The following SUCLG2 variants were observed in gnomAD, a reference collection of about 807,000 sequenced individuals.
SUCLG2 encodes the protein succinate-CoA ligase GDP-forming subunit beta, also known as succinate--CoA ligase [GDP-forming] subunit beta, mitochondrial.
A neutral mutation model predicts 47.9 loss-of-function variants in SUCLG2; 42 were observed. The observed-to-expected ratio is 0.88, with a 90% CI of 0.69 to 1.14. The LOEUF is 1.14. Ranked by LOEUF, SUCLG2 falls within the 50% of genes most tolerant of loss-of-function variation. The pLI, the probability that SUCLG2 is intolerant of heterozygous loss-of-function variation, is 0.00. For missense variants in SUCLG2, 571 were observed against 525.9 expected (o/e 1.09, Z -0.84); for synonymous variants, 195 against 197.3 (o/e 0.99, Z 0.10).
intron 9 of SUCLG2, among the ~76,000 whole-genome samples, chr3:67,436,800 C>T (rs1703634994): frequency 6.6e-6 from 1 of 152,102 alleles, no homozygotes; most frequent in Non-Finnish European, 1.5e-5. Context: ...ACAAATTATA[C>T]ATTTTTGTAG....
intron 6 of SUCLG2, among the ~76,000 whole-genome samples, chr3:67,517,326 G>T (rs952241582): frequency 2.1e-4 from 32 of 152,168 alleles, no homozygotes; most frequent in Non-Finnish European, 2.1e-4. Flanking sequence ...AGAAAGAAAA[G>T]AGTGCATCAT....
rs540885206 is a variant in SUCLG2, at chr3:67,395,060, G to A, written c.1183+5671C>T. On this transcript the variant is annotated intron_variant, in intron 10 of 10. Transcript: ENST00000307227. ...AAAGGAACAACCGGTACCAGCCGCG[G>A]CAAAATCATGCCAAAATGTAAAGAC... 4.3e-3 allele frequency among the ~76,000 whole-genome samples: 650 copies of A among 152,102 alleles called. 7 individuals carry two copies. The highest frequency in any genetic ancestry group is 0.014 in the African/African-American group (597 of 41,466).
intron 2 of SUCLG2, among the ~76,000 whole-genome samples, chr3:67,562,023 C>T (rs763800320): frequency 3.3e-5 from 5 of 152,196 alleles, no homozygotes; most frequent in African/African-American, 4.8e-5. Context: ...CCTCTTCCTA[C>T]ACCCCTGCCC....
chr3:67,571,430 T>C (rs1276067836), intron 2 of SUCLG2, among the ~76,000 whole-genome samples: 4 of 152,172 alleles, frequency 2.6e-5, no homozygotes, highest in Non-Finnish European at 4.4e-5. Flanking sequence ...ACAACAACTC[T>C]TGGAGTAGTG....
intron 10 of SUCLG2, among the ~76,000 whole-genome samples, chr3:67,386,055 G>T (rs1225729322): frequency 2.6e-5 from 4 of 152,156 alleles, no homozygotes; most frequent in Admixed American, 6.5e-5. Context: ...ACCATACTCT[G>T]AGAATCACCA....
At chr3:67,624,346 G>C (rs1405114044) in intron 1 of SUCLG2, among the ~76,000 whole-genome samples, 4 of 152,162 alleles carry the variant, frequency 2.6e-5, no homozygotes, top group African/African-American at 7.2e-5. Flanking sequence ...ATGATAATTG[G>C]TGTCTGTGAG....
chr3:67,580,131 C>T (rs1707843618), intron 2 of SUCLG2, among the ~76,000 whole-genome samples: 1 of 152,186 alleles, frequency 6.6e-6, no homozygotes, highest in African/African-American at 2.4e-5. Context: ...TATCCTAATA[C>T]ATTTTTAAAA....
At chr3:67,393,230 C>G (rs560867366) in intron 10 of SUCLG2, among the ~76,000 whole-genome samples, 1 of 141,426 alleles carries the variant, frequency 7.1e-6, no homozygotes. Context: ...TTGCCTCACT[C>G]GGGAAGTGCA....
intron 1 of SUCLG2, 151 bp downstream of exon 1, chr3:67,654,352 G>A: frequency 3.6e-6 from 2 of 556,630 alleles, no homozygotes; most frequent in Non-Finnish European, 5.3e-6. Flanking sequence ...TCCCTGCTGC[G>A]CCTGGACCCG....
chr3:67,444,255 C>G lies in SUCLG2; in HGVS notation c.1063-43404G>C, dbSNP rs1703864740. Among the ~76,000 whole-genome samples, 2 of 60,198 alleles carry G rather than the reference C, an allele frequency of 3.3e-5. 1 individual carries two copies. The highest frequency in any genetic ancestry group is 1.2e-4 in the African/African-American group (2 of 16,922). 39.5% of individuals were successfully genotyped at this position (60,198 alleles called of 152,430 possible). A position where few individuals can be genotyped will look rare whatever the true frequency, so the allele number is the denominator to read the frequency against. ...ACTGGGAAGTGAGGAGCCCCTCAGCCCGGCCAGCCACCCCGTCCAGGAGGG... is the reference window on the plus strand; with the variant it reads ...ACTGGGAAGTGAGGAGCCCCTCAGCGCGGCCAGCCACCCCGTCCAGGAGGG... On this transcript the variant is annotated intron_variant, in intron 9 of 10. Transcript: ENST00000307227.
At chr3:67,436,255 G>T (rs751363229) in intron 9 of SUCLG2, among the ~76,000 whole-genome samples, 1 of 152,148 alleles carries the variant, frequency 6.6e-6, no homozygotes, top group South Asian at 2.1e-4. Context: ...TCCTGCAGGA[G>T]AAAAAGTAAG....
intron 9 of SUCLG2, among the ~76,000 whole-genome samples, chr3:67,441,970 T>G (rs1024418449): frequency 2.0e-5 from 3 of 151,988 alleles, no homozygotes; most frequent in Admixed American, 2.0e-4. Flanking sequence ...AAAGCCTTTT[T>G]AAAAAGGGTT....
intron 1 of SUCLG2, among the ~76,000 whole-genome samples, chr3:67,635,639 C>T (rs1700997302): frequency 6.6e-6 from 1 of 152,182 alleles, no homozygotes; most frequent in Non-Finnish European, 1.5e-5. Context: ...TCTCTCCTTT[C>T]TGAGACACCC....
intron 9 of SUCLG2, among the ~76,000 whole-genome samples, chr3:67,423,661 T>A (rs1297052824): frequency 2.0e-5 from 3 of 152,182 alleles, no homozygotes; most frequent in Non-Finnish European, 4.4e-5. Flanking sequence ...TCTTACCCCC[T>A]GCTCTACAAG....
intron 2 of SUCLG2, among the ~76,000 whole-genome samples, chr3:67,549,723 T>C (rs952738304): frequency 6.6e-6 from 1 of 152,218 alleles, no homozygotes; most frequent in Non-Finnish European, 1.5e-5. Flanking sequence ...AAGCTTAGCA[T>C]AGTGCAAAAT....
At chr3:67,587,301 C>T (rs757995544) in intron 2 of SUCLG2, among the ~76,000 whole-genome samples, 2 of 152,122 alleles carry the variant, frequency 1.3e-5, no homozygotes, top group African/African-American at 4.8e-5. Context: ...CTGTTTCTAG[C>T]CGTCTGATCT....
At chr3:67,563,581 C>T (rs1011351030) in intron 2 of SUCLG2, among the ~76,000 whole-genome samples, 1 of 152,136 alleles carries the variant, frequency 6.6e-6, no homozygotes, top group African/African-American at 2.4e-5. Context: ...ACACAATGTA[C>T]AATATGCTCC....
At chr3:67,625,577 G>A (rs1243844369) in intron 1 of SUCLG2, among the ~76,000 whole-genome samples, 3 of 152,086 alleles carry the variant, frequency 2.0e-5, no homozygotes, top group Non-Finnish European at 4.4e-5. Flanking sequence ...TGCCTCTAAA[G>A]GAGGACAGTC....
intron 2 of SUCLG2, among the ~76,000 whole-genome samples, chr3:67,605,635 T>C (rs557264145): frequency 6.6e-6 from 1 of 152,050 alleles, no homozygotes; most frequent in East Asian, 1.9e-4. Flanking sequence ...TTAAGGAGCA[T>C]CATAGATATG....
Sources: gnomAD v4.1 joint callset for allele counts (sites outside exome capture counted in the v4.1 genomes callset) on GRCh38, gnomAD v4.1.1 for gene constraint, MANE v1.5 for transcripts, NCBI Gene and HGNC (gene_info 2026-07-23, HGNC 2026-07-21) for gene names.